The following CDH8 variants were observed in gnomAD, a reference collection of about 807,000 sequenced individuals.
CDH8 encodes the protein cadherin 8.
CDH8 carries 17 observed loss-of-function variants against 68.1 expected under a neutral mutation model. The ratio of observed to expected loss-of-function variants is 0.25; its 90% confidence interval spans 0.17 to 0.37. The LOEUF (loss-of-function observed/expected upper bound fraction) is 0.37, where lower values mean the gene tolerates loss of function less well. Ranked by LOEUF, CDH8 falls within the 10% of genes least tolerant of loss-of-function variation. CDH8 has a pLI of 1.00. For missense variants in CDH8, 763 were observed against 999.3 expected (o/e 0.76, Z 3.19); for synonymous variants, 372 against 365.1 (o/e 1.02, Z -0.21).
intron 7 of CDH8, among the ~76,000 whole-genome samples, chr16:61,803,761 G>T (rs1961721546): frequency 7.0e-6 from 1 of 143,782 alleles, no homozygotes; most frequent in Admixed American, 6.9e-5. Context: ...TCAACAAGAA[G>T]AGCTAACTAT....
At chr16:61,787,740 A>G (rs1194757566) in intron 8 of CDH8, among the ~76,000 whole-genome samples, 3 of 150,456 alleles carry the variant, frequency 2.0e-5, no homozygotes, top group Non-Finnish European at 2.9e-5. Context: ...GCACATATAC[A>G]TCATGGAATA....
chr16:61,820,406 T>C (rs1457183865), intron 6 of CDH8, among the ~76,000 whole-genome samples: 2 of 150,442 alleles, frequency 1.3e-5, no homozygotes, highest in East Asian at 4.0e-4. Context: ...GGGAAGATAT[T>C]TCAGGAAGCA....
chr16:61,800,121 G>T (rs1368850983), intron 7 of CDH8, among the ~76,000 whole-genome samples: 1 of 152,134 alleles, frequency 6.6e-6, no homozygotes, highest in African/African-American at 2.4e-5. Flanking sequence ...TGTTGCCTAG[G>T]CTGGTGGTCT....
At chr16:61,752,558 G>C (rs1024559552) in intron 8 of CDH8, among the ~76,000 whole-genome samples, 22 of 152,232 alleles carry the variant, frequency 1.4e-4, no homozygotes, top group African/African-American at 5.1e-4. Context: ...AACCACTCCT[G>C]ATACATCTCC....
chr16:61,715,200 G>A (rs1964702332), intron 9 of CDH8, among the ~76,000 whole-genome samples: 1 of 151,570 alleles, frequency 6.6e-6, no homozygotes, highest in Admixed American at 6.6e-5. Flanking sequence ...TTTTTGTCTA[G>A]TTATAATGTC....
At chr16:61,995,364 G>A (rs534086330) in intron 2 of CDH8, among the ~76,000 whole-genome samples, 2 of 152,186 alleles carry the variant, frequency 1.3e-5, no homozygotes, top group East Asian at 1.9e-4. Context: ...TGGGGAGCAG[G>A]CATGTTTGCT....
chr16:61,996,428 T>C (rs1190494889), intron 2 of CDH8, among the ~76,000 whole-genome samples: 1 of 152,206 alleles, frequency 6.6e-6, no homozygotes, highest in African/African-American at 2.4e-5. Context: ...GCATTTTCCC[T>C]TCTTAAAAGA....
At chr16:61,838,105 G>A (rs1962606611) in intron 4 of CDH8, among the ~76,000 whole-genome samples, 1 of 151,976 alleles carries the variant, frequency 6.6e-6, no homozygotes, top group South Asian at 2.1e-4. Flanking sequence ...AAGATTAAGT[G>A]GCTTGTGCTT....
intron 2 of CDH8, among the ~76,000 whole-genome samples, chr16:61,949,991 A>AAG (rs935268497): frequency 6.6e-5 from 10 of 151,868 alleles, no homozygotes; most frequent in African/African-American, 2.4e-4. Flanking sequence ...CTGTCTTAAA[A>AAG]AAAAAAAAAA....
At chr16:61,898,156 C>T (rs771691152) in intron 3 of CDH8, among the ~76,000 whole-genome samples, 6 of 151,902 alleles carry the variant, frequency 3.9e-5, no homozygotes, top group African/African-American at 7.3e-5. Flanking sequence ...AAAAATTAGC[C>T]GGGCATGGTG....
chr16:61,861,828 T>A (rs1197326258), intron 3 of CDH8, among the ~76,000 whole-genome samples: 2 of 152,148 alleles, frequency 1.3e-5, no homozygotes, highest in African/African-American at 4.8e-5. Flanking sequence ...GTGAGATAAT[T>A]ATATGGATTA....
intron 2 of CDH8, among the ~76,000 whole-genome samples, chr16:62,017,603 A>C (rs1209977815): frequency 6.6e-6 from 1 of 152,178 alleles, no homozygotes; most frequent in Non-Finnish European, 1.5e-5. Context: ...TGTGCCTGGG[A>C]GATCGAGGCT....
At chr16:61,957,658 A>C (rs1287431370) in intron 2 of CDH8, among the ~76,000 whole-genome samples, 1 of 152,198 alleles carries the variant, frequency 6.6e-6, no homozygotes, top group African/African-American at 2.4e-5. Context: ...TGTTCCAGCC[A>C]CACAGGTTTT....
At chr16:61,833,687 C>A (rs1424396030) in intron 4 of CDH8, among the ~76,000 whole-genome samples, 1 of 151,882 alleles carries the variant, frequency 6.6e-6, no homozygotes, top group African/African-American at 2.4e-5. Context: ...CAAGCACTTT[C>A]CTTTCTTTGG....
At chr16:61,727,271 C>A in intron 8 of CDH8, 56 bp from the exon 9 acceptor site, 1 of 1,515,176 alleles carries the variant, frequency 6.6e-7, no homozygotes, top group South Asian at 1.3e-5. Flanking sequence ...TAACGTGCAA[C>A]TCAACTTTCT....
intron 10 of CDH8, among the ~76,000 whole-genome samples, chr16:61,670,153 C>A (rs1963762156): frequency 6.6e-6 from 1 of 152,044 alleles, no homozygotes; most frequent in Non-Finnish European, 1.5e-5. Flanking sequence ...TCTCCCCTTC[C>A]ATCCAATAAA....
intron 2 of CDH8, among the ~76,000 whole-genome samples, chr16:61,978,665 T>A (rs1965482071): frequency 6.6e-6 from 1 of 152,156 alleles, no homozygotes; most frequent in African/African-American, 2.4e-5. Context: ...AAATTGACGT[T>A]CTGAGACCTT....
intron 8 of CDH8, among the ~76,000 whole-genome samples, chr16:61,765,550 T>C (rs560293648): frequency 6.6e-6 from 1 of 152,142 alleles, no homozygotes; most frequent in Non-Finnish European, 1.5e-5. Flanking sequence ...ATCACATAGT[T>C]ATAGATATAC....
At chr16:61,672,039 T>G (rs1963807149) in intron 10 of CDH8, among the ~76,000 whole-genome samples, 1 of 152,156 alleles carries the variant, frequency 6.6e-6, no homozygotes, top group South Asian at 2.1e-4. Flanking sequence ...TTATTTCATT[T>G]TAATACTTTC....
Sources: allele counts gnomAD v4.1 joint callset (sites outside exome capture counted in the v4.1 genomes callset), GRCh38; gene constraint gnomAD v4.1.1; transcripts MANE v1.5; gene names NCBI Gene and HGNC (gene_info 2026-07-23, HGNC 2026-07-21).